IMMP2L: variants seen among roughly 807,000 people sequenced by gnomAD.
The protein encoded by IMMP2L is mitochondrial inner membrane protease subunit 2.
In IMMP2L, 18 loss-of-function variants were observed where a neutral mutation model predicts 19.3. The observed-to-expected ratio is 0.93, with a 90% CI of 0.64 to 1.38. The LOEUF is 1.38. Ranked by LOEUF, IMMP2L falls within the 40% of genes most tolerant of loss-of-function variation. The pLI, the probability that IMMP2L is intolerant of heterozygous loss-of-function variation, is 0.00. For synonymous variants in IMMP2L, 76 were observed against 73.0 expected, an observed-to-expected ratio of 1.04 and a Z score of -0.21; for missense variants, 233 against 218.2, an observed-to-expected ratio of 1.07 and a Z score of -0.43.
intron 5 of IMMP2L, among the ~76,000 whole-genome samples, chr7:110,792,763 T>C (rs1800553339): frequency 6.6e-6 from 1 of 152,098 alleles, no homozygotes; most frequent in Admixed American, 6.6e-5. Context: ...TTGACACACA[T>C]ACAATGAATG....
rs552040665 is a variant in IMMP2L, at chr7:111,543,248, T to G, written c.-3+18603A>C. On this transcript the variant is annotated intron_variant, in intron 1 of 5. Coordinates refer to ENST00000405709, the MANE Select transcript of IMMP2L (RefSeq NM_032549.4). ...ACTGCAATTAATTTTAAACTACTAC[T>G]TTTTCTCCAGTAGTTCATTATCTAT... 2.6e-5 allele frequency among the ~76,000 whole-genome samples: 4 copies of G among 152,164 alleles called. No homozygotes were observed. In the South Asian group the frequency reaches 8.3e-4, roughly 32 times the overall value.
rs576588079 is a variant in IMMP2L, at chr7:111,109,861, C to T, written c.240-146296G>A. On this transcript the variant is annotated intron_variant, in intron 3 of 5. Coordinates refer to ENST00000405709, the MANE Select transcript of IMMP2L (RefSeq NM_032549.4). ...CCTTAAAAAGTCTTCAGGGGCTGGGCGCGGTGGCTCATGCCTGTAATTCCA... is the reference window on the plus strand; with the variant it reads ...CCTTAAAAAGTCTTCAGGGGCTGGGTGCGGTGGCTCATGCCTGTAATTCCA... Among the ~76,000 whole-genome samples the T allele has an allele frequency of 6.6e-4, 100 of 152,206 alleles. 1 individual carries two copies. The highest frequency in any genetic ancestry group is 1.4e-3 in the African/African-American group (58 of 41,524).
intron 3 of IMMP2L, among the ~76,000 whole-genome samples, chr7:111,133,843 T>C (rs1802075666): frequency 6.6e-6 from 1 of 152,024 alleles, no homozygotes; most frequent in Non-Finnish European, 1.5e-5. Flanking sequence ...AAAAGCCTCA[T>C]AAGCGTACTC....
At chr7:111,026,248 C>T (rs996623180) in intron 3 of IMMP2L, among the ~76,000 whole-genome samples, 1 of 152,082 alleles carries the variant, frequency 6.6e-6, no homozygotes, top group African/African-American at 2.4e-5. Flanking sequence ...CATTCTACTA[C>T]CTGAAGCAAA....
At chr7:111,117,317 T>C (rs1173507213) in intron 3 of IMMP2L, among the ~76,000 whole-genome samples, 1 of 152,110 alleles carries the variant, frequency 6.6e-6, no homozygotes, top group African/African-American at 2.4e-5. Context: ...ATCTTACAAC[T>C]CATGCAACCA....
At chr7:111,167,014 G>C (rs905994310) in intron 3 of IMMP2L, among the ~76,000 whole-genome samples, 2 of 151,910 alleles carry the variant, frequency 1.3e-5, no homozygotes, top group South Asian at 2.1e-4. Flanking sequence ...CATTCGGAGG[G>C]GGGGCAGGTC....
At chr7:111,155,912 G>A (rs1804596443) in intron 3 of IMMP2L, among the ~76,000 whole-genome samples, 1 of 151,848 alleles carries the variant, frequency 6.6e-6, no homozygotes. Context: ...TTTAAACTCT[G>A]CCATTTTAAC....
intron 5 of IMMP2L, among the ~76,000 whole-genome samples, chr7:110,773,828 T>TC (rs1198390480): frequency 1.2e-4 from 3 of 24,032 alleles, no homozygotes; most frequent in African/African-American, 3.3e-4. Flanking sequence ...TAGTCTATTC[T>TC]TTTTTTTTTT....
chr7:111,315,649 C>T (rs969708041), intron 3 of IMMP2L, among the ~76,000 whole-genome samples: 4 of 151,668 alleles, frequency 2.6e-5, no homozygotes, highest in African/African-American at 7.3e-5. Context: ...CCTTCCTCAC[C>T]GCCACGTAGT....
At chr7:111,448,690 G>C (rs1258493815) in intron 3 of IMMP2L, among the ~76,000 whole-genome samples, 1 of 106,914 alleles carries the variant, frequency 9.4e-6, no homozygotes, top group East Asian at 2.6e-4. Flanking sequence ...CTAGCAGAAG[G>C]CAAGAAATAA....
intron 4 of IMMP2L, among the ~76,000 whole-genome samples, chr7:110,954,726 C>A (rs1178796758): frequency 6.6e-6 from 1 of 152,212 alleles, no homozygotes; most frequent in Middle Eastern, 3.4e-3. Flanking sequence ...ATGGCTTCTA[C>A]ATCACACCAA....
chr7:111,258,682 T>A (rs1426024452), intron 3 of IMMP2L, among the ~76,000 whole-genome samples: 1 of 151,940 alleles, frequency 6.6e-6, no homozygotes. Flanking sequence ...ACATTTGTAT[T>A]TTTAGTAGAG....
chr7:111,031,575 A>G (rs751554527), intron 3 of IMMP2L, among the ~76,000 whole-genome samples: 1 of 152,210 alleles, frequency 6.6e-6, no homozygotes, highest in African/African-American at 2.4e-5. Context: ...CTACACAGAT[A>G]TAAATAAATG....
intron 5 of IMMP2L, among the ~76,000 whole-genome samples, chr7:110,725,105 C>G (rs1381217693): frequency 6.6e-6 from 1 of 152,152 alleles, no homozygotes; most frequent in African/African-American, 2.4e-5. Flanking sequence ...TCCTCAAAGT[C>G]TTTACTCTGG....
At chr7:110,810,207 T>C (rs1801937051) in intron 5 of IMMP2L, among the ~76,000 whole-genome samples, 1 of 152,076 alleles carries the variant, frequency 6.6e-6, no homozygotes, top group Admixed American at 6.6e-5. Context: ...GTACAATGGC[T>C]GCATTTAATT....
chr7:110,700,367 G>GGTGC (rs747628796), intron 5 of IMMP2L, among the ~76,000 whole-genome samples: 30,445 of 152,022 alleles, frequency 0.2, 3,430 homozygotes, highest in Non-Finnish European at 0.26. Flanking sequence ...TTCTTTCAAA[G>GGTGC]CACCACTACT....
At chr7:111,397,727 C>T (rs901861938) in intron 3 of IMMP2L, among the ~76,000 whole-genome samples, 4 of 152,068 alleles carry the variant, frequency 2.6e-5, no homozygotes, top group Admixed American at 2.0e-4. Context: ...TATTATCCTT[C>T]GGATGTATTT....
At chr7:110,814,454 A>T (rs1802302338) in intron 5 of IMMP2L, among the ~76,000 whole-genome samples, 1 of 151,134 alleles carries the variant, frequency 6.6e-6, no homozygotes, top group Admixed American at 6.6e-5. Flanking sequence ...ATATAGTAAA[A>T]AAGCATTATC....
At chr7:111,326,468 T>C (rs1459326435) in intron 3 of IMMP2L, among the ~76,000 whole-genome samples, 1 of 151,842 alleles carries the variant, frequency 6.6e-6, no homozygotes. Flanking sequence ...TTCTCAGTTG[T>C]CTCTTAAACA....
Sources: allele counts gnomAD v4.1 joint callset (sites outside exome capture counted in the v4.1 genomes callset), GRCh38; gene constraint gnomAD v4.1.1; transcripts MANE v1.5; gene names NCBI Gene and HGNC (gene_info 2026-07-23, HGNC 2026-07-21).